The following TPD52 variants were observed in gnomAD, a reference collection of about 807,000 sequenced individuals.
TPD52 encodes the protein tumor protein D52.
Under a neutral mutation model 31.3 loss-of-function variants are expected in TPD52, and 17 were observed. The observed-to-expected ratio is 0.54, with a 90% CI of 0.37 to 0.82. TPD52 has a LOEUF of 0.82. TPD52 is among the 40% of genes least tolerant of loss of function. The pLI is 0.00. For missense variants in TPD52, 212 were observed against 240.1 expected (o/e 0.88, Z 0.77); for synonymous variants, 83 against 89.6 (o/e 0.93, Z 0.42).
chr8:80,044,247 G>C, intron 5 of TPD52, 39 bp from the exon 6 acceptor site: 1 of 1,475,358 alleles, frequency 6.8e-7, no homozygotes, highest in Non-Finnish European at 9.1e-7. Flanking sequence ...AATAAGGTTA[G>C]TATAGTGGTG....
chr8:80,065,293 A>C (rs908946456), intron 1 of TPD52, among the ~76,000 whole-genome samples: 15 of 101,828 alleles, frequency 1.5e-4, no homozygotes, highest in African/African-American at 4.6e-4. Context: ...ATATATCTAT[A>C]TCTATCTATC....
intron 1 of TPD52, among the ~76,000 whole-genome samples, chr8:80,167,529 A>T (rs1021542307): frequency 6.6e-6 from 1 of 152,228 alleles, no homozygotes; most frequent in Non-Finnish European, 1.5e-5. Context: ...AGACATCAGC[A>T]CCATATGGAA....
chr8:80,092,687 G>A (rs1341436444), intron 1 of TPD52, among the ~76,000 whole-genome samples: 6 of 152,016 alleles, frequency 3.9e-5, no homozygotes, highest in Non-Finnish European at 8.8e-5. Flanking sequence ...ACTGTCACAC[G>A]TTCTCACTCA....
intron 1 of TPD52, among the ~76,000 whole-genome samples, chr8:80,104,463 G>A (rs1482320885): frequency 1.3e-5 from 2 of 151,870 alleles, no homozygotes; most frequent in African/African-American, 4.8e-5. Flanking sequence ...CAGAAAGTGG[G>A]AAGGGCCAAG....
intron 1 of TPD52, among the ~76,000 whole-genome samples, chr8:80,113,125 T>C (rs1807614757): frequency 6.6e-6 from 1 of 152,192 alleles, no homozygotes; most frequent in Non-Finnish European, 1.5e-5. Context: ...AGATGTCAAA[T>C]TTTCAGATTA....
chr8:80,043,207 C>T lies in TPD52; in HGVS notation c.456-539G>A, dbSNP rs79040815. Among the ~76,000 whole-genome samples, 647 of 152,240 alleles carry T rather than the reference C, an allele frequency of 4.2e-3. 6 individuals carry two copies. The highest frequency in any genetic ancestry group is 0.037 in the South Asian group (176 of 4,814). On this transcript the variant is annotated intron_variant, in intron 6 of 7. Coordinates refer to ENST00000518937, the MANE Select transcript of TPD52 (RefSeq NM_001025253.3). ...AAAAGAAGGGGGAGAAGCATAGAAACGGCTTTGCCTACTTCACAACTCTGT... is the reference window on the plus strand; with the variant it reads ...AAAAGAAGGGGGAGAAGCATAGAAATGGCTTTGCCTACTTCACAACTCTGT...
intron 1 of TPD52, among the ~76,000 whole-genome samples, chr8:80,074,963 A>G (rs182320119): frequency 6.6e-6 from 1 of 152,186 alleles, no homozygotes; most frequent in African/African-American, 2.4e-5. Flanking sequence ...GTAAGGGGAC[A>G]ATGTCTGGGT....
chr8:80,052,582 T>C lies in TPD52; in HGVS notation c.284+700A>G, dbSNP rs10107441. The C allele has an allele frequency of 4.9e-4, 625 of 1,282,754 alleles. 6 individuals carry two copies. The African/African-American group carries it at 8.4e-3, about 17-fold the overall frequency. 79.5% of individuals were successfully genotyped at this position (1,282,754 alleles called of 1,614,324 possible). ...GTTGGCCTCACTTCTGATAGTTAAA[T>C]TGTAAAACAACTTCTGTGCTCACCA... On this transcript the variant is annotated intron_variant, in intron 3 of 7. Coordinates refer to ENST00000518937, the MANE Select transcript of TPD52 (RefSeq NM_001025253.3).
At chr8:80,059,604 A>G (rs993600644) in intron 2 of TPD52, among the ~76,000 whole-genome samples, 1 of 152,230 alleles carries the variant, frequency 6.6e-6, no homozygotes, top group African/African-American at 2.4e-5. Flanking sequence ...CTGTAATCCC[A>G]GCACTTTGGG....
At chr8:80,098,812 C>T (rs1806516732) in intron 1 of TPD52, among the ~76,000 whole-genome samples, 2 of 152,146 alleles carry the variant, frequency 1.3e-5, no homozygotes, top group African/African-American at 4.8e-5. Flanking sequence ...GCATTGTATG[C>T]TACAGAGAAA....
intron 1 of TPD52, chr8:80,066,869 C>T (rs1017247979): frequency 4.6e-5 from 7 of 152,148 alleles, no homozygotes; most frequent in African/African-American, 1.7e-4. Flanking sequence ...TATAAGGCAA[C>T]ACAGTAAGAA....
At chr8:80,034,268 C>T (rs563518057), downstream of TPD52, among the ~76,000 whole-genome samples, 20 of 152,238 alleles carry the variant, frequency 1.3e-4, no homozygotes, top group Admixed American at 3.3e-4. Flanking sequence ...TCCAGGCCCC[C>T]GAGAGCACAC....
chr8:80,041,268 G>C (rs951597879), intron 7 of TPD52, among the ~76,000 whole-genome samples: 5 of 152,070 alleles, frequency 3.3e-5, no homozygotes, highest in Non-Finnish European at 7.3e-5. Flanking sequence ...TTCTGCACAT[G>C]TATCCCAGAA....
chr8:80,063,333 A>G (rs554414928), intron 2 of TPD52, among the ~76,000 whole-genome samples: 50 of 152,358 alleles, frequency 3.3e-4, no homozygotes, highest in Middle Eastern at 3.4e-3. Context: ...ATATGAAATA[A>G]CCAGAAGACA....
chr8:80,110,512 A>T (rs537171144), intron 1 of TPD52, among the ~76,000 whole-genome samples: 1 of 152,170 alleles, frequency 6.6e-6, no homozygotes, highest in Admixed American at 6.5e-5. Context: ...AAAGGAGGAA[A>T]CTTATATGTA....
chr8:80,101,554 G>A (rs1364420361), intron 1 of TPD52, among the ~76,000 whole-genome samples: 2 of 151,832 alleles, frequency 1.3e-5, no homozygotes, highest in Admixed American at 1.3e-4. Context: ...AAAGAAAATA[G>A]GTTTATATTT....
chr8:80,165,537 CCT>C (rs1811656416), intron 1 of TPD52, among the ~76,000 whole-genome samples: 1 of 152,172 alleles, frequency 6.6e-6, no homozygotes, highest in African/African-American at 2.4e-5. Context: ...ACCCAAACCT[CCT>C]CTCTTTTTCC....
intron 1 of TPD52, among the ~76,000 whole-genome samples, chr8:80,101,908 A>T (rs1806771361): frequency 6.6e-6 from 1 of 151,364 alleles, no homozygotes; most frequent in Admixed American, 6.6e-5. Context: ...TCAGCAGCCA[A>T]GTGAAATTGT....
At chr8:80,074,801 G>C (rs1407357527) in intron 1 of TPD52, among the ~76,000 whole-genome samples, 1 of 152,128 alleles carries the variant, frequency 6.6e-6, no homozygotes, top group Non-Finnish European at 1.5e-5. Flanking sequence ...AGATTCTTAA[G>C]GCTGGAATTT....
Sources: allele counts gnomAD v4.1 joint callset (sites outside exome capture counted in the v4.1 genomes callset), GRCh38; gene constraint gnomAD v4.1.1; transcripts MANE v1.5; gene names NCBI Gene and HGNC (gene_info 2026-07-23, HGNC 2026-07-21).